CDH18: variants seen among roughly 807,000 people sequenced by gnomAD.
The protein encoded by CDH18 is cadherin 18.
In CDH18, 31 loss-of-function variants were observed where a neutral mutation model predicts 67.9. The ratio of observed to expected loss-of-function variants is 0.46; its 90% confidence interval spans 0.34 to 0.62. The LOEUF is 0.62. Among genes scored for constraint, CDH18 ranks in the 20% least tolerant of loss-of-function variants. The pLI, the probability that CDH18 is intolerant of heterozygous loss-of-function variation, is 0.01. For synonymous variants in CDH18, 362 were observed against 347.2 expected, an observed-to-expected ratio of 1.04 and a Z score of -0.48; for missense variants, 890 against 975.5, an observed-to-expected ratio of 0.91 and a Z score of 1.17.
At chr5:20,530,449 A>C (rs757304832) in intron 1 of CDH18, among the ~76,000 whole-genome samples, 1 of 152,102 alleles carries the variant, frequency 6.6e-6, no homozygotes, top group Non-Finnish European at 1.5e-5. Flanking sequence ...AAGCTAAAAG[A>C]ACAAAGCTGG....
chr5:19,912,183 T>TA (rs143363761), intron 2 of CDH18, among the ~76,000 whole-genome samples: 45,915 of 147,654 alleles, frequency 0.31, 7,619 homozygotes, highest in South Asian at 0.4. Context: ...ACAATAATAA[T>TA]AAAAAAAAAA....
chr5:20,051,523 T>C (rs960250802), intron 2 of CDH18, among the ~76,000 whole-genome samples: 2 of 152,006 alleles, frequency 1.3e-5, no homozygotes, highest in African/African-American at 4.8e-5. Flanking sequence ...GGGTTCATTA[T>C]ACTATTTCAA....
intron 3 of CDH18, among the ~76,000 whole-genome samples, chr5:19,759,591 C>T (rs1234975020): frequency 6.6e-6 from 1 of 152,116 alleles, no homozygotes; most frequent in Non-Finnish European, 1.5e-5. Context: ...ATTACCTGAC[C>T]CCCATAATCC....
chr5:20,342,182 G>A (rs927173923), intron 1 of CDH18, among the ~76,000 whole-genome samples: 3 of 152,184 alleles, frequency 2.0e-5, no homozygotes, highest in African/African-American at 7.2e-5. Flanking sequence ...TACTGTTAAA[G>A]TGAGGGTATT....
intron 9 of CDH18, among the ~76,000 whole-genome samples, chr5:19,522,522 T>C (rs1034753301): frequency 6.6e-6 from 1 of 152,168 alleles, no homozygotes; most frequent in Non-Finnish European, 1.5e-5. Flanking sequence ...CCAATGAAAG[T>C]TGTTCATAGC....
intron 2 of CDH18, among the ~76,000 whole-genome samples, chr5:19,916,775 T>G (rs1246551679): frequency 6.6e-6 from 1 of 152,180 alleles, no homozygotes; most frequent in African/African-American, 2.4e-5. Flanking sequence ...GGCGTTTAAT[T>G]TTTTGATCTT....
At chr5:19,554,159 T>C (rs1684833) in intron 8 of CDH18, among the ~76,000 whole-genome samples, 15,071 of 152,146 alleles carry the variant, frequency 0.099, 1,026 homozygotes, top group African/African-American at 0.19. Context: ...CACATAGATA[T>C]TTGCGGATAC....
chr5:19,885,489 T>C (rs765091599), intron 2 of CDH18, among the ~76,000 whole-genome samples: 6 of 152,224 alleles, frequency 3.9e-5, no homozygotes, highest in Non-Finnish European at 7.3e-5. Context: ...AAAAAATGCA[T>C]TAACATTTGT....
At chr5:20,397,187 G>A (rs866735086) in intron 1 of CDH18, among the ~76,000 whole-genome samples, 23 of 152,132 alleles carry the variant, frequency 1.5e-4, no homozygotes, top group African/African-American at 5.6e-4. Context: ...GTGGAGTGCA[G>A]TGGTACGATC....
intron 4 of CDH18, among the ~76,000 whole-genome samples, chr5:19,734,291 C>G (rs1768009835): frequency 6.6e-6 from 1 of 152,146 alleles, no homozygotes; most frequent in Middle Eastern, 3.2e-3. Context: ...GGCTGGAATG[C>G]ATTGATATTC....
chr5:20,208,741 T>G (rs1740114157), intron 2 of CDH18, among the ~76,000 whole-genome samples: 2 of 151,882 alleles, frequency 1.3e-5, no homozygotes, highest in African/African-American at 4.8e-5. Context: ...CATGGTAAAA[T>G]GCTTCTGCAC....
chr5:20,118,102 A>G (rs1223826801), intron 2 of CDH18, among the ~76,000 whole-genome samples: 1 of 152,208 alleles, frequency 6.6e-6, no homozygotes, highest in Non-Finnish European at 1.5e-5. Flanking sequence ...ATAAAAAATA[A>G]ATGTCATTAG....
intron 2 of CDH18, among the ~76,000 whole-genome samples, chr5:19,979,227 T>G (rs918604190): frequency 2.6e-5 from 4 of 151,674 alleles, no homozygotes; most frequent in Admixed American, 6.6e-5. Flanking sequence ...TGTGTGTGTG[T>G]GTGTGTGTGT....
intron 6 of CDH18, among the ~76,000 whole-genome samples, chr5:19,592,478 T>A (rs889337854): frequency 6.6e-6 from 1 of 152,010 alleles, no homozygotes; most frequent in Non-Finnish European, 1.5e-5. Context: ...AAAATGTAAT[T>A]TGATAAAATA....
chr5:20,514,177 C>A (rs1243953644), intron 1 of CDH18, among the ~76,000 whole-genome samples: 1 of 152,140 alleles, frequency 6.6e-6, no homozygotes. Flanking sequence ...CCTCACTCCA[C>A]CACATTTTGT....
chr5:20,203,600 A>AGAGAGAG (rs1561874364), intron 2 of CDH18, among the ~76,000 whole-genome samples: 1 of 150,654 alleles, frequency 6.6e-6, no homozygotes, highest in Admixed American at 6.6e-5. Flanking sequence ...AGAGAGAGAG[A>AGAGAGAG]AATTCAACAG....
chr5:19,974,585 A>C (rs1798332309), intron 2 of CDH18, among the ~76,000 whole-genome samples: 1 of 150,658 alleles, frequency 6.6e-6, no homozygotes, highest in African/African-American at 2.4e-5. Flanking sequence ...GGACCATTAG[A>C]GAGTGATACT....
At chr5:19,702,155 T>TC (rs1313435803) in intron 5 of CDH18, among the ~76,000 whole-genome samples, 123 of 147,056 alleles carry the variant, frequency 8.4e-4, no homozygotes, top group Non-Finnish European at 9.9e-4. Flanking sequence ...TCTCTTTTTT[T>TC]TTTTTTTTTT....
chr5:20,154,434 G>A (rs868202963), intron 2 of CDH18, among the ~76,000 whole-genome samples: 1 of 152,052 alleles, frequency 6.6e-6, no homozygotes, highest in South Asian at 2.1e-4. Flanking sequence ...TCTTATTCAT[G>A]AGCTCGACAG....
Sources: allele counts gnomAD v4.1 joint callset (sites outside exome capture counted in the v4.1 genomes callset), GRCh38; gene constraint gnomAD v4.1.1; transcripts MANE v1.5; gene names NCBI Gene and HGNC (gene_info 2026-07-23, HGNC 2026-07-21).